GLDC: variants seen among roughly 807,000 people sequenced by gnomAD.
GLDC encodes the protein glycine decarboxylase, also known as glycine dehydrogenase (decarboxylating), mitochondrial.
A neutral mutation model predicts 121.3 loss-of-function variants in GLDC; 104 were observed. The ratio of observed to expected loss-of-function variants is 0.86; its 90% confidence interval spans 0.73 to 1.01. The LOEUF is 1.01. Ranked by LOEUF, GLDC falls within the 50% of genes least tolerant of loss-of-function variation. GLDC has a pLI of 0.00. For missense variants in GLDC, 1,429 were observed against 1,306.6 expected (o/e 1.09, Z -1.44); for synonymous variants, 546 against 480.6 (o/e 1.14, Z -1.78).
At chr9:6,604,899 G>T in intron 6 of GLDC, 115 bp from the exon 7 acceptor site, 1 of 933,514 alleles carries the variant, frequency 1.1e-6, no homozygotes, top group Non-Finnish European at 1.7e-6. Context: ...CACATCCTGT[G>T]AACTCCATTG....
chr9:6,571,485 G>C (rs1817966767), intron 15 of GLDC, among the ~76,000 whole-genome samples: 1 of 152,154 alleles, frequency 6.6e-6, no homozygotes, highest in Admixed American at 6.5e-5. Context: ...AGGGTTCCTT[G>C]CAATGAGACA....
At chr9:6,591,835 GC>G (rs1818381198) in intron 11 of GLDC, 8 of 87,076 alleles carry the variant, frequency 9.2e-5, no homozygotes, top group East Asian at 3.1e-4. Context: ...CTGCCCCCCC[GC>G]CCCCCTGACC....
chr9:6,639,361 T>C (rs1819578852), intron 2 of GLDC: 2 of 933,856 alleles, frequency 2.1e-6, no homozygotes, highest in Non-Finnish European at 3.5e-6. Flanking sequence ...GCTTGACCAC[T>C]ATGCTATCAT....
intron 8 of GLDC, among the ~76,000 whole-genome samples, chr9:6,598,098 AGCTCACTGCAGC>A (rs1818526895): frequency 1.3e-5 from 2 of 152,160 alleles, no homozygotes; most frequent in African/African-American, 4.8e-5. Flanking sequence ...GTGTGATTGC[AGCTCACTGCAGC>A]CTGGACCTCC....
chr9:6,640,337 C>G (rs778946288), intron 2 of GLDC, among the ~76,000 whole-genome samples: 1 of 152,250 alleles, frequency 6.6e-6, no homozygotes, highest in South Asian at 2.1e-4. Context: ...ACTGCGGGGC[C>G]TACAGGCAGG....
rs376172426 is a variant in GLDC, at chr9:6,536,893, A to C, written c.2666-657T>G. On this transcript the variant is annotated intron_variant, in intron 22 of 24. Transcript: ENST00000321612. Reference sequence around the variant, plus strand: ...GTGGAAAGCCTTTGCCTTTACATTGAACACAGGCTCAGTGTGTTTCTGTTT... The same window carrying C: ...GTGGAAAGCCTTTGCCTTTACATTGCACACAGGCTCAGTGTGTTTCTGTTT... Among the ~76,000 whole-genome samples the C allele has an allele frequency of 1.1e-4, 17 of 152,346 alleles. No individual in the cohort carries two copies. The East Asian group carries it at 2.9e-3, about 26-fold the overall frequency.
chr9:6,623,241 A>C (rs1344616309), intron 2 of GLDC, among the ~76,000 whole-genome samples: 1 of 140,278 alleles, frequency 7.1e-6, no homozygotes, highest in African/African-American at 2.8e-5. Flanking sequence ...AGAAGTAGAC[A>C]TGGGAGACTT....
At chr9:6,586,252 G>A (rs1219185192) in intron 15 of GLDC, among the ~76,000 whole-genome samples, 3 of 152,068 alleles carry the variant, frequency 2.0e-5, no homozygotes, top group Admixed American at 6.6e-5. Context: ...CCGAGATCAC[G>A]CCATTGCACT....
chr9:6,634,839 C>G (rs1474857522), intron 2 of GLDC, among the ~76,000 whole-genome samples: 3 of 152,162 alleles, frequency 2.0e-5, no homozygotes, highest in Admixed American at 2.0e-4. Flanking sequence ...GCTTCTCCCC[C>G]TCCCTCTCCT....
chr9:6,572,611 A>G (rs62568987), intron 15 of GLDC, among the ~76,000 whole-genome samples: 12,942 of 152,300 alleles, frequency 0.085, 789 homozygotes, highest in Non-Finnish European at 0.13. Flanking sequence ...CCAGGACATT[A>G]TGAATCTGGA....
At chr9:6,591,583 C>CTTCCTTT (rs1424324176) in intron 11 of GLDC, among the ~76,000 whole-genome samples, 4 of 152,072 alleles carry the variant, frequency 2.6e-5, no homozygotes, top group Admixed American at 2.0e-4. Context: ...GAGGCAGTTT[C>CTTCCTTT]TTTCTTTTTT....
At chr9:6,550,960 A>G in intron 20 of GLDC, 46 bp from the exon 21 acceptor site, 1 of 1,273,800 alleles carries the variant, frequency 7.9e-7, no homozygotes, top group Non-Finnish European at 1.1e-6. Flanking sequence ...ACAGGCAAAC[A>G]CGAATGTGAA....
At chr9:6,584,111 G>T (rs1011964223) in intron 15 of GLDC, among the ~76,000 whole-genome samples, 1 of 152,134 alleles carries the variant, frequency 6.6e-6, no homozygotes, top group Non-Finnish European at 1.5e-5. Context: ...TTATGCTATG[G>T]TTATATCTGA....
chr9:6,641,963 A>G (rs1300766716), intron 2 of GLDC, among the ~76,000 whole-genome samples: 1 of 152,192 alleles, frequency 6.6e-6, no homozygotes, highest in Non-Finnish European at 1.5e-5. Context: ...AAATGCTACT[A>G]CCAGAGCTTA....
At chr9:6,547,225 T>A (rs1340422725) in intron 21 of GLDC, among the ~76,000 whole-genome samples, 1 of 151,922 alleles carries the variant, frequency 6.6e-6, no homozygotes, top group Non-Finnish European at 1.5e-5. Flanking sequence ...TAGGATGCAG[T>A]TATATGTCTT....
intron 21 of GLDC, chr9:6,540,438 C>A (rs955586889): frequency 9.7e-5 from 40 of 410,324 alleles, no homozygotes; most frequent in Admixed American, 2.6e-4. Flanking sequence ...GAACATATGA[C>A]CGGAGGTGTC....
In GLDC at chr9:6,606,576, G is replaced by A. The variant is rs749690567; in HGVS notation, c.713+16C>T. ...TGACATTATACTGAGTTTAAAACAC[G>A]AATCAAATTAATTACTTGGCTCGAG... On this transcript the variant is annotated intron_variant, in intron 5 of 24. Transcript: ENST00000321612. 1.1e-5 allele frequency: 16 copies of A among 1,470,424 alleles called. No individual in the cohort carries two copies. Among genetic ancestry groups the A allele is most frequent in the Admixed American group, 6.7e-5 (4 of 59,810 alleles). The allele number at this position is 1,470,424 out of a possible 1,614,324, so 91.1% of individuals were successfully genotyped here. A position where few individuals can be genotyped will look rare whatever the true frequency, so the allele number is the denominator to read the frequency against.
chr9:6,630,558 A>G (rs1373084713), intron 2 of GLDC, among the ~76,000 whole-genome samples: 2 of 152,162 alleles, frequency 1.3e-5, no homozygotes, highest in East Asian at 3.9e-4. Flanking sequence ...AATTTGCCCA[A>G]TGTCACCAGT....
chr9:6,629,630 C>T (rs774270782), intron 2 of GLDC, among the ~76,000 whole-genome samples: 1 of 151,894 alleles, frequency 6.6e-6, no homozygotes, highest in African/African-American at 2.4e-5. Context: ...CACACACATG[C>T]ACACATTGTT....
Sources: allele counts gnomAD v4.1 joint callset (sites outside exome capture counted in the v4.1 genomes callset), GRCh38; gene constraint gnomAD v4.1.1; transcripts MANE v1.5; gene names NCBI Gene and HGNC (gene_info 2026-07-23, HGNC 2026-07-21).